Variants in RASSF2 observed in about 807,000 individuals in gnomAD.
RASSF2 encodes the protein ras association domain-containing protein 2.
In RASSF2, 34 loss-of-function variants were observed where a neutral mutation model predicts 46.3. That is an observed-to-expected ratio of 0.73 (90% confidence interval 0.56 to 0.98). The LOEUF is 0.98. RASSF2 is among the 50% of genes least tolerant of loss of function. The probability of loss-of-function intolerance (pLI) is 0.00; values close to 1 mark genes in which losing one functional copy is unlikely to be tolerated. For missense variants in RASSF2, 364 were observed against 431.2 expected, an observed-to-expected ratio of 0.84 and a Z score of 1.38; for synonymous variants, 158 against 162.5, an observed-to-expected ratio of 0.97 and a Z score of 0.21.
chr20:4,780,862 G>A lies in RASSF2; in HGVS notation c.*3411C>T, dbSNP rs1924741444. 6.6e-6 allele frequency: 1 copy of A among 152,046 alleles called. No homozygotes were observed. Among genetic ancestry groups the A allele is most frequent in the Non-Finnish European group, 1.5e-5 (1 of 68,032 alleles). 9.4% of individuals were successfully genotyped at this position (152,046 alleles called of 1,614,324 possible). A position where few individuals can be genotyped will look rare whatever the true frequency, so the allele number is the denominator to read the frequency against. Reference sequence around the variant, plus strand: ...CGGGTCCCTGTAATTCCAGCTACTTGGGAGGCTGAGACAGGAGAATCACTT... The same window carrying A: ...CGGGTCCCTGTAATTCCAGCTACTTAGGAGGCTGAGACAGGAGAATCACTT... On this transcript the variant is annotated 3_prime_UTR_variant, in exon 12 of 12. Transcript: ENST00000379400.
intron 2 of RASSF2, among the ~76,000 whole-genome samples, chr20:4,809,883 C>T (rs1367353486): frequency 6.6e-6 from 1 of 152,148 alleles, no homozygotes; most frequent in Non-Finnish European, 1.5e-5. Flanking sequence ...TGGAGGTGGG[C>T]AGGTGGCGCT....
chr20:4,784,181 A>G lies in RASSF2; in HGVS notation c.*92T>C. On this transcript the variant is annotated 3_prime_UTR_variant, in exon 12 of 12. Coordinates refer to ENST00000379400, the MANE Select transcript of RASSF2 (RefSeq NM_014737.3). ...CCGGAGCTGGGGAGGTTTGTGTCTA[A>G]ATGTTTCCATGGAAAGAAAGTGCCT... The G allele has an allele frequency of 7.4e-7, 1 of 1,346,596 alleles. No homozygotes were observed. Among genetic ancestry groups the G allele is most frequent in the East Asian group, 2.3e-5 (1 of 43,486 alleles). The allele number at this position is 1,346,596 out of a possible 1,614,324, so 83.4% of individuals were successfully genotyped here.
At chr20:4,799,055 A>G (rs1162668411) in intron 3 of RASSF2, among the ~76,000 whole-genome samples, 2 of 152,168 alleles carry the variant, frequency 1.3e-5, no homozygotes, top group Non-Finnish European at 2.9e-5. Flanking sequence ...CCATTGACAG[A>G]AAGTTCAAAA....
At chr20:4,800,522 A>C (rs544971627) in intron 3 of RASSF2, among the ~76,000 whole-genome samples, 1 of 152,310 alleles carries the variant, frequency 6.6e-6, no homozygotes, top group South Asian at 2.1e-4. Context: ...CCGCGGAGGA[A>C]AAACAATCTC....
chr20:4,785,171 A>AAAAG (rs1403941486), intron 11 of RASSF2, among the ~76,000 whole-genome samples: 2 of 151,076 alleles, frequency 1.3e-5, no homozygotes, highest in African/African-American at 4.9e-5. Context: ...AAAAAAAAAA[A>AAAAG]AAAGAAAGAA....
chr20:4,800,898 G>T, intron 3 of RASSF2, 74 bp downstream of exon 3: 1 of 1,293,926 alleles, frequency 7.7e-7, no homozygotes, highest in Non-Finnish European at 1.1e-6. Context: ...CTCTGCCAGC[G>T]GCTGCCGTCC....
intron 2 of RASSF2, among the ~76,000 whole-genome samples, chr20:4,805,619 T>C (rs532027748): frequency 4.1e-4 from 62 of 152,214 alleles, no homozygotes; most frequent in African/African-American, 1.4e-3. Flanking sequence ...AGGGATGTGA[T>C]CTGATGTACA....
intron 4 of RASSF2, 74 bp from the exon 5 acceptor site, chr20:4,796,040 T>C: frequency 2.1e-6 from 3 of 1,427,154 alleles, no homozygotes; most frequent in Non-Finnish European, 2.8e-6. Context: ...GAGGGACAAA[T>C]GACACATTCT....
In RASSF2 at chr20:4,787,714, G is replaced by A. The variant is rs374506400; in HGVS notation, c.732C>T (p.Ala244=). The A allele has an allele frequency of 1.2e-6, 2 of 1,613,976 alleles. No homozygotes were observed. Among genetic ancestry groups the A allele is most frequent in the Non-Finnish European group, 1.7e-6 (2 of 1,180,036 alleles). ...GCTCACATGGGCCCTGGAGGATTCGGGCAATCAGCGGGTAATCGGTGGCCT... is the reference window on the plus strand; with the variant it reads ...GCTCACATGGGCCCTGGAGGATTCGAGCAATCAGCGGGTAATCGGTGGCCT... ...KLKATDYPLI[A]RILQGPCEQI... is the part of the protein sequence containing the mutation. The change falls in exon 10 of 12, where the codon GCC becomes GCT. Residue 244 remains alanine, a synonymous_variant. Coordinates refer to ENST00000379400, the MANE Select transcript of RASSF2 (RefSeq NM_014737.3).
intron 2 of RASSF2, among the ~76,000 whole-genome samples, chr20:4,816,206 T>C (rs972542772): frequency 6.6e-6 from 1 of 151,780 alleles, no homozygotes; most frequent in South Asian, 2.1e-4. Flanking sequence ...GAGGCTGAGG[T>C]GAGGTGGGAG....
Position 4,784,131 on chromosome 20 carries a change from C to G in RASSF2, c.*142G>C. ...GCTGTCTGCTGACTTCTACATCCAG[C>G]TCCAGGTAGCAAATGATGGCTTGGC... On this transcript the variant is annotated 3_prime_UTR_variant, in exon 12 of 12. Coordinates refer to ENST00000379400, the MANE Select transcript of RASSF2 (RefSeq NM_014737.3). The G allele has an allele frequency of 1.3e-6, 1 of 791,054 alleles. No individual in the cohort carries two copies. Among genetic ancestry groups the G allele is most frequent in the South Asian group, 1.6e-5 (1 of 62,802 alleles). 49.0% of individuals were successfully genotyped at this position (791,054 alleles called of 1,614,324 possible). A position where few individuals can be genotyped will look rare whatever the true frequency, so the allele number is the denominator to read the frequency against.
chr20:4,821,238 A>G (rs1928669491), intron 2 of RASSF2, among the ~76,000 whole-genome samples: 1 of 152,200 alleles, frequency 6.6e-6, no homozygotes, highest in South Asian at 2.1e-4. Context: ...TGGGCTCCTA[A>G]GATGGCACAA....
rs181289102 is a variant in RASSF2, at chr20:4,792,487, C to T, written c.376+52G>A. The T allele has an allele frequency of 6.0e-5, 97 of 1,610,582 alleles. No homozygotes were observed. The East Asian group carries it at 1.3e-3, about 22-fold the overall frequency. Reference sequence around the variant, plus strand: ...TAACAGTTTACAACATCTATCACAGCGGTCTTCACACAGTTGGTCCCTAGC... The same window carrying T: ...TAACAGTTTACAACATCTATCACAGTGGTCTTCACACAGTTGGTCCCTAGC... On this transcript the variant is annotated intron_variant, in intron 6 of 11. Coordinates refer to ENST00000379400, the MANE Select transcript of RASSF2 (RefSeq NM_014737.3).
intron 5 of RASSF2, chr20:4,792,951 T>C (rs1998292): frequency 0.76 from 251,483 of 330,644 alleles, 96,347 homozygotes; most frequent in African/African-American, 0.88. Context: ...AACCCACGTG[T>C]TGCCTGCACT....
rs1022069067 is a variant in RASSF2, at chr20:4,812,419, C to T, written c.-33+9910G>A. The stretch of plus-strand genomic sequence containing the variant: ...GCGGAGCTGAGGCTCAAATCCAGGG[C>T]GGTGCAGGTGCCAAGCGGAACCCCT... On this transcript the variant is annotated intron_variant, in intron 2 of 11. Coordinates refer to ENST00000379400, the MANE Select transcript of RASSF2 (RefSeq NM_014737.3). This position sits in a 1 kb window ranked among gnomAD's most constrained non-coding sequence, Gnocchi z 4.0. Among the ~76,000 whole-genome samples the T allele has an allele frequency of 6.6e-6, 1 of 152,230 alleles. No individual in the cohort carries two copies. Among genetic ancestry groups the T allele is most frequent in the Non-Finnish European group, 1.5e-5 (1 of 68,040 alleles).
intron 2 of RASSF2, among the ~76,000 whole-genome samples, chr20:4,806,600 T>C (rs58173127): frequency 0.049 from 7,388 of 152,078 alleles, 595 homozygotes; most frequent in African/African-American, 0.16. Flanking sequence ...CTGCCACACC[T>C]AGCTAATTTT....
chr20:4,787,392 G>C (rs1925449888), intron 10 of RASSF2, among the ~76,000 whole-genome samples: 1 of 152,200 alleles, frequency 6.6e-6, no homozygotes, highest in Admixed American at 6.5e-5. Context: ...ACTTAGAGTA[G>C]AGCCATTGCT....
At chr20:4,821,112 G>C (rs1234767792) in intron 2 of RASSF2, among the ~76,000 whole-genome samples, 1 of 152,070 alleles carries the variant, frequency 6.6e-6, no homozygotes, top group African/African-American at 2.4e-5. Context: ...TGGCTCCGGG[G>C]CACCAGGAAA....
Position 4,798,092 on chromosome 20 carries a change from G to A in RASSF2, c.60-7C>T, listed in dbSNP as rs1451751828. On this transcript the variant is annotated splice_polypyrimidine_tract_variant and splice_region_variant and intron_variant, in intron 3 of 11. Coordinates refer to ENST00000379400, the MANE Select transcript of RASSF2 (RefSeq NM_014737.3). ...ATGCAAGAGAAGTTCATTTCTTAGGGGGAAAAATAGAAGAGATATAACATT... is the reference window on the plus strand; with the variant it reads ...ATGCAAGAGAAGTTCATTTCTTAGGAGGAAAAATAGAAGAGATATAACATT... 5.0e-6 allele frequency: 8 copies of A among 1,613,348 alleles called. No individual in the cohort carries two copies. The highest frequency in any genetic ancestry group is 6.8e-6 in the Non-Finnish European group (8 of 1,179,584).
Sources: gnomAD v4.1 joint callset for allele counts (sites outside exome capture counted in the v4.1 genomes callset) on GRCh38, gnomAD v4.1.1 for gene constraint, Gnocchi (gnomAD v3.1) non-coding constraint, MANE v1.5 for transcripts, NCBI Gene and HGNC (gene_info 2026-07-23, HGNC 2026-07-21) for gene names.